The following CLYBL variants were observed in gnomAD, a reference collection of about 807,000 sequenced individuals.
CLYBL encodes the protein citramalyl-CoA lyase, mitochondrial.
Under a neutral mutation model 38.9 loss-of-function variants are expected in CLYBL, and 31 were observed. The observed-to-expected ratio is 0.80, with a 90% CI of 0.60 to 1.08. The LOEUF (loss-of-function observed/expected upper bound fraction) is 1.08, where lower values mean the gene tolerates loss of function less well. Among genes scored for constraint, CLYBL ranks in the 50% least tolerant of loss-of-function variants. The probability of loss-of-function intolerance (pLI) is 0.00; values close to 1 mark genes in which losing one functional copy is unlikely to be tolerated. For synonymous variants in CLYBL, 171 were observed against 158.6 expected, an observed-to-expected ratio of 1.08 and a Z score of -0.59; for missense variants, 434 against 411.6, an observed-to-expected ratio of 1.05 and a Z score of -0.47.
intron 9 of CLYBL, among the ~76,000 whole-genome samples, chr13:99,906,390 G>C (rs1394600990): frequency 1.3e-5 from 2 of 151,498 alleles, no homozygotes; most frequent in Non-Finnish European, 2.9e-5. Context: ...GTGAAAATCA[G>C]AATTTGAATG....
downstream of CLYBL, chr13:99,896,467 G>T (rs1265146238): frequency 6.6e-6 from 1 of 152,306 alleles, no homozygotes; most frequent in Non-Finnish European, 1.5e-5. Flanking sequence ...CGGCCCTGGG[G>T]TCCCTGCAGC....
At chr13:99,794,423 GA>G (rs1284830447) in intron 2 of CLYBL, among the ~76,000 whole-genome samples, 1 of 151,852 alleles carries the variant, frequency 6.6e-6, no homozygotes, top group Non-Finnish European at 1.5e-5. Context: ...TCCATCTCAA[GA>G]AAAAAGATTC....
At chr13:99,628,351 G>A (rs1566592521) in intron 1 of CLYBL, among the ~76,000 whole-genome samples, 3 of 152,186 alleles carry the variant, frequency 2.0e-5, no homozygotes, top group Non-Finnish European at 4.4e-5. Context: ...CTTACTCTCG[G>A]TTTCTTTAAG....
chr13:99,654,183 C>G (rs1268195023), intron 1 of CLYBL, among the ~76,000 whole-genome samples: 1 of 152,148 alleles, frequency 6.6e-6, no homozygotes, highest in African/African-American at 2.4e-5. Flanking sequence ...AACTTTGACC[C>G]ATGAATACAC....
At chr13:99,713,905 C>T (rs990458680) in intron 1 of CLYBL, among the ~76,000 whole-genome samples, 8 of 152,070 alleles carry the variant, frequency 5.3e-5, no homozygotes, top group African/African-American at 1.7e-4. Flanking sequence ...CCAGGTTGGT[C>T]TCAAACTCCT....
downstream of CLYBL, among the ~76,000 whole-genome samples, chr13:99,897,691 A>G (rs1163923045): frequency 1.3e-5 from 2 of 152,218 alleles, no homozygotes; most frequent in East Asian, 1.9e-4. Flanking sequence ...TACGCCTGTA[A>G]TCCCAGCACT....
intron 1 of CLYBL, among the ~76,000 whole-genome samples, chr13:99,739,731 T>C (rs2048720918): frequency 6.6e-6 from 1 of 152,194 alleles, no homozygotes; most frequent in African/African-American, 2.4e-5. Flanking sequence ...CCCAGCACTT[T>C]AGGAGGCCGA....
At chr13:99,617,979 C>T (rs2046738674) in intron 1 of CLYBL, among the ~76,000 whole-genome samples, 1 of 152,214 alleles carries the variant, frequency 6.6e-6, no homozygotes. Flanking sequence ...TGTCCCCTTA[C>T]TGCTGTTTTC....
rs193134060 is a variant in CLYBL at position 99,673,003 on chromosome 13, G to A, written c.62+66246G>A. On this transcript the variant is annotated intron_variant, in intron 1 of 8. Transcript: ENST00000339105. ...CACTGGGGAGATCCATCCATGAACA[G>A]AACCAAAATCTGCCCCCCTAGAGCT... Among the ~76,000 whole-genome samples the A allele has an allele frequency of 8.5e-5, 13 of 152,250 alleles. No homozygotes were observed. The East Asian group carries it at 2.5e-3, about 29-fold the overall frequency.
Position 99,697,123 on chromosome 13 carries a change from A to G in CLYBL, c.63-75701A>G, listed in dbSNP as rs533652274. ...GATATTTGGGGTGTATGACATTACAAAACACATGGGATGTAGATGTGGATT... is the reference window on the plus strand; with the variant it reads ...GATATTTGGGGTGTATGACATTACAGAACACATGGGATGTAGATGTGGATT... On this transcript the variant is annotated intron_variant, in intron 1 of 8. Coordinates refer to ENST00000339105, the MANE Select transcript of CLYBL (RefSeq NM_206808.5). Among the ~76,000 whole-genome samples, 9 of 152,336 alleles carry G rather than the reference A, an allele frequency of 5.9e-5. No homozygotes were observed. In the South Asian group the frequency reaches 1.9e-3, roughly 32 times the overall value.
At position 99,640,283 on chromosome 13, in the gene CLYBL, A is replaced by T. The variant is rs574112884; in HGVS notation, c.62+33526A>T. Among the ~76,000 whole-genome samples the T allele has an allele frequency of 4.6e-5, 7 of 152,310 alleles. No individual in the cohort carries two copies. The East Asian group carries it at 1.2e-3, about 25-fold the overall frequency. ...TATTATGGGTTTTAAAAAATCATTT[A>T]TCTTGGAGCTAAGTACATTTCACTA... is the stretch of plus-strand genomic sequence containing the variant. On this transcript the variant is annotated intron_variant, in intron 1 of 8. Coordinates refer to ENST00000339105, the MANE Select transcript of CLYBL (RefSeq NM_206808.5).
intron 2 of CLYBL, among the ~76,000 whole-genome samples, chr13:99,842,754 T>C (rs940981540): frequency 1.3e-5 from 2 of 151,772 alleles, no homozygotes; most frequent in Non-Finnish European, 2.9e-5. Flanking sequence ...AAAATAGGGA[T>C]ATATTAGCCA....
intron 7 of CLYBL, among the ~76,000 whole-genome samples, chr13:99,890,051 G>A (rs554767839): frequency 1.3e-5 from 2 of 152,338 alleles, no homozygotes; most frequent in Admixed American, 1.3e-4. Flanking sequence ...AAAAGGAAGT[G>A]ATGAAAAGAA....
chr13:99,715,312 G>T (rs2048295460), intron 1 of CLYBL, among the ~76,000 whole-genome samples: 1 of 152,102 alleles, frequency 6.6e-6, no homozygotes, highest in Non-Finnish European at 1.5e-5. Context: ...AAAGCTTTTT[G>T]GGGTTCCATT....
At chr13:99,907,282 T>C (rs898772186) in intron 9 of CLYBL, among the ~76,000 whole-genome samples, 5 of 152,150 alleles carry the variant, frequency 3.3e-5, no homozygotes, top group African/African-American at 1.2e-4. Context: ...ATCTGTGAAA[T>C]GGGGGTAATA....
chr13:99,713,718 C>G (rs2048270244), intron 1 of CLYBL, among the ~76,000 whole-genome samples: 1 of 152,074 alleles, frequency 6.6e-6, no homozygotes, highest in Admixed American at 6.6e-5. Flanking sequence ...GGGTCTTGCT[C>G]TGTTGCCCAG....
At chr13:99,777,492 T>C (rs1566322782) in intron 2 of CLYBL, among the ~76,000 whole-genome samples, 1 of 112,234 alleles carries the variant, frequency 8.9e-6, no homozygotes, top group East Asian at 2.9e-4. Flanking sequence ...TTTTCTTTTC[T>C]TTTCTTTTTT....
chr13:99,784,166 C>G (rs1006796305), intron 2 of CLYBL, among the ~76,000 whole-genome samples: 3 of 152,078 alleles, frequency 2.0e-5, no homozygotes, highest in Non-Finnish European at 4.4e-5. Flanking sequence ...ATCATGAACC[C>G]ATATTCATTG....
At chr13:99,759,905 A>G (rs1811065014) in intron 1 of CLYBL, among the ~76,000 whole-genome samples, 1 of 152,190 alleles carries the variant, frequency 6.6e-6, no homozygotes, top group African/African-American at 2.4e-5. Flanking sequence ...AGTTCAGCTT[A>G]ATACATTCCA....
Sources: gnomAD v4.1 joint callset for allele counts (sites outside exome capture counted in the v4.1 genomes callset) on GRCh38, gnomAD v4.1.1 for gene constraint, MANE v1.5 for transcripts, NCBI Gene and HGNC (gene_info 2026-07-23, HGNC 2026-07-21) for gene names.